Variants in PORCN observed in about 807,000 individuals in gnomAD.
PORCN encodes the protein protein-serine O-palmitoleoyltransferase porcupine.
In PORCN, 1 loss-of-function variant was observed where a neutral mutation model predicts 43.0. The ratio of observed to expected loss-of-function variants is 0.02; its 90% CI spans 0.01 to 0.11. The LOEUF (loss-of-function observed/expected upper bound fraction) is 0.11. Ranked by LOEUF, PORCN falls within the 10% of genes least tolerant of loss-of-function variation. The probability of loss-of-function intolerance (pLI) is 1.00; values close to 1 mark genes in which losing one functional copy is unlikely to be tolerated. For synonymous variants in PORCN, 148 were observed against 166.4 expected (o/e 0.89, Z 0.85); for missense variants, 240 against 392.1 (o/e 0.61, Z 3.28).
chrX:48,514,031 A>G, intron 7 of PORCN, 96 bp from the exon 8 acceptor site: 1 of 1,023,697 alleles, frequency 9.8e-7, no homozygotes, highest in Non-Finnish European at 1.4e-6. Context: ...GCTACATTTC[A>G]TCTGTCTTGT....
At chrX:48,512,099 C>T (rs1170293231) in intron 4 of PORCN, 164 bp downstream of exon 4, 3 of 544,994 alleles carry the variant, frequency 5.5e-6, no homozygotes, top group South Asian at 5.3e-5. Flanking sequence ...CTCTTTCCAC[C>T]GTGCATTTTC....
chrX:48,512,175 C>T, intron 4 of PORCN, 151 bp from the exon 5 acceptor site: 1 of 633,362 alleles, frequency 1.6e-6, no homozygotes, highest in South Asian at 2.5e-5. Flanking sequence ...TCTATCTGTC[C>T]TGGGCTTCCT....
intron 14 of PORCN, among the ~76,000 whole-genome samples, chrX:48,520,123 A>T (rs1345590764): frequency 8.9e-6 from 1 of 112,460 alleles, no homozygotes; most frequent in African/African-American, 3.2e-5. Flanking sequence ...TTTTCTTTCC[A>T]AAAAATTAAT....
intron 4 of PORCN, 106 bp from the exon 5 acceptor site, chrX:48,512,220 C>T (rs1556974053): frequency 1.1e-6 from 1 of 932,512 alleles, no homozygotes. Flanking sequence ...GCCCACCTAT[C>T]CATCCTTGTG....
intron 14 of PORCN, 139 bp downstream of exon 14, chrX:48,517,432 G>A (rs1451504360): frequency 5.7e-5 from 27 of 477,623 alleles, no homozygotes; most frequent in Admixed American, 4.1e-4. Context: ...AGTGCTCCTC[G>A]GTCCTTTCCC....
At chrX:48,520,265 C>T (rs2061750409) in intron 14 of PORCN, 110 bp from the exon 15 acceptor site, 5 of 571,146 alleles carry the variant, frequency 8.8e-6, no homozygotes, top group South Asian at 4.7e-5. Context: ...GGCCCTTCTG[C>T]GGGGCCTCGC....
At chrX:48,511,548 C>T (rs1556973901) in intron 3 of PORCN, 61 bp downstream of exon 3, 2 of 1,032,349 alleles carry the variant, frequency 1.9e-6, no homozygotes, top group Non-Finnish European at 2.7e-6. Flanking sequence ...GGTCCCCAGG[C>T]CCCATATGAA....
At position 48,520,667 on chromosome X, in the gene PORCN, G is replaced by C. The variant is rs2061753811; in HGVS notation, c.*191G>C. ...CCTGTCAATCCCCACCCCACCACAA[G>C]GCAGGAAGGGGGTGGTGCCTGCTGG... On this transcript the variant is annotated 3_prime_UTR_variant, in exon 15 of 15. Transcript: ENST00000326194. 2 of 468,325 alleles carry C rather than the reference G, an allele frequency of 4.3e-6. No individual in the cohort carries two copies. The highest frequency in any genetic ancestry group is 7.7e-6 in the Non-Finnish European group (2 of 260,606). 38.6% of individuals were successfully genotyped at this position (468,325 alleles called of 1,213,427 possible). A position where few individuals can be genotyped will look rare whatever the true frequency, so the allele number is the denominator to read the frequency against.
chrX:48,516,455 C>T (rs781860877), intron 13 of PORCN, among the ~76,000 whole-genome samples: 50 of 111,679 alleles, frequency 4.5e-4, no homozygotes, highest in African/African-American at 1.3e-3. Context: ...ACATTTTAAC[C>T]GGGCAGACAG....
At chrX:48,513,843 A>G (rs2061693872) in intron 7 of PORCN, among the ~76,000 whole-genome samples, 1 of 111,859 alleles carries the variant, frequency 8.9e-6, no homozygotes, top group African/African-American at 3.3e-5. Flanking sequence ...TGGCTGTTAG[A>G]GGGTGCAGGT....
chrX:48,511,587 T>G, intron 3 of PORCN, 100 bp downstream of exon 3: 1 of 770,397 alleles, frequency 1.3e-6, no homozygotes, highest in Non-Finnish European at 2.0e-6. Flanking sequence ...GGTGGTGAGA[T>G]TCCCCGGAGA....
intron 14 of PORCN, 96 bp from the exon 15 acceptor site, chrX:48,520,279 G>T: frequency 1.5e-6 from 1 of 646,540 alleles, no homozygotes; most frequent in Non-Finnish European, 2.6e-6. Context: ...GCCTCGCCTA[G>T]AGCAGTCACA....
At chrX:48,519,977 A>G (rs2061747509) in intron 14 of PORCN, among the ~76,000 whole-genome samples, 1 of 112,288 alleles carries the variant, frequency 8.9e-6, no homozygotes, top group Non-Finnish European at 1.9e-5. Context: ...AGCCTGGGTG[A>G]CAGAATGAGA....
At chrX:48,516,296 G>T in intron 13 of PORCN, 150 bp downstream of exon 13, 1 of 546,079 alleles carries the variant, frequency 1.8e-6, no homozygotes, top group Non-Finnish European at 3.2e-6. Flanking sequence ...GCTGGCATCC[G>T]TTTCCCTAAC....
chrX:48,517,806 T>C (rs940825551), intron 14 of PORCN, among the ~76,000 whole-genome samples: 2 of 109,448 alleles, frequency 1.8e-5, no homozygotes, highest in African/African-American at 6.8e-5. Context: ...AGAGCGAGAC[T>C]CTCTCAAAAA....
chrX:48,517,633 C>T (rs2061728319), intron 14 of PORCN, among the ~76,000 whole-genome samples: 1 of 112,118 alleles, frequency 8.9e-6, no homozygotes, highest in African/African-American at 3.2e-5. Flanking sequence ...GCCTGGCCAA[C>T]CTGGCGAAAC....
In PORCN at chrX:48,509,815, T is replaced by A. The variant is rs782724171; in HGVS notation, c.-6T>A. The A allele has an allele frequency of 1.7e-6, 2 of 1,210,179 alleles. No homozygotes were observed. Among genetic ancestry groups the A allele is most frequent in the Admixed American group, 2.2e-5 (1 of 45,920 alleles). ...CCATCTGGCCATCCATCCGTGGGGGTCTGCAATGGCCACCTTTAGCCGCCA... is the reference window on the plus strand; with the variant it reads ...CCATCTGGCCATCCATCCGTGGGGGACTGCAATGGCCACCTTTAGCCGCCA... On this transcript the variant is annotated 5_prime_UTR_variant, in exon 2 of 15. Coordinates refer to ENST00000326194, the MANE Select transcript of PORCN (RefSeq NM_203475.3).
intron 7 of PORCN, among the ~76,000 whole-genome samples, chrX:48,513,445 G>A (rs1486852741): frequency 8.9e-6 from 1 of 111,797 alleles, no homozygotes; most frequent in Non-Finnish European, 1.9e-5. Flanking sequence ...CCCGACTCTG[G>A]TCTGTGCCTG....
chrX:48,511,318 G>A lies in PORCN; in HGVS notation c.160G>A (p.Ala54Thr). The change falls in exon 3 of 15, where the codon GCA (alanine) becomes ACA (threonine). Residue 54 changes from alanine (A) to threonine (T), a missense_variant. Physicochemically the swap from Ala to Thr is moderately conservative, Grantham distance 58. Coordinates refer to ENST00000326194, the MANE Select transcript of PORCN (RefSeq NM_203475.3). Reference sequence around the variant, plus strand: ...AGGGTTGCCATCCTACCTGAAGCATGCAAGCACCGTGGCAGGCGGGTTCTT... The same window carrying A: ...AGGGTTGCCATCCTACCTGAAGCATACAAGCACCGTGGCAGGCGGGTTCTT... ...RLGLPSYLKH[A>T]STVAGGFFSL... 8.3e-7 allele frequency: 1 copy of A among 1,206,561 alleles called. No individual in the cohort carries two copies. Among genetic ancestry groups the A allele is most frequent in the Admixed American group, 2.2e-5 (1 of 45,663 alleles).
Sources: gnomAD v4.1 joint callset for allele counts (sites outside exome capture counted in the v4.1 genomes callset) on GRCh38, gnomAD v4.1.1 for gene constraint, MANE v1.5 for transcripts, NCBI Gene and HGNC (gene_info 2026-07-23, HGNC 2026-07-21) for gene names.